The following TRAPPC9 variants were observed in gnomAD, a reference collection of about 807,000 sequenced individuals.
The protein encoded by TRAPPC9 is trafficking protein particle complex subunit 9.
TRAPPC9 carries 83 observed loss-of-function variants against 124.0 expected under a neutral mutation model. The observed-to-expected ratio is 0.67, with a 90% CI of 0.56 to 0.80. The LOEUF (loss-of-function observed/expected upper bound fraction) is 0.80. TRAPPC9 is among the 30% of genes least tolerant of loss of function. TRAPPC9 has a pLI of 0.00. For missense variants in TRAPPC9, 1,302 were observed against 1,508.3 expected (o/e 0.86, Z 2.27); for synonymous variants, 638 against 617.5 (o/e 1.03, Z -0.49).
intron 5 of TRAPPC9, among the ~76,000 whole-genome samples, chr8:140,421,941 G>A (rs796503184): frequency 1.7e-5 from 2 of 117,612 alleles, no homozygotes; most frequent in Admixed American, 1.2e-4. Context: ...ATAAACCTAC[G>A]CCGAACTCTG....
Position 140,163,555 on chromosome 8 carries a change from C to T in TRAPPC9, c.2556+57904G>A, listed in dbSNP as rs138372867. ...CTGAATGAATGACTTTGGTGGGAAA[C>T]GGAGAGGGTGGCGGGCAGATGGACC... is the stretch of plus-strand genomic sequence containing the variant. On this transcript the variant is annotated intron_variant, in intron 17 of 22. Transcript: ENST00000438773. 4.1e-3 allele frequency among the ~76,000 whole-genome samples: 618 copies of T among 152,228 alleles called. 4 individuals are homozygous for T. The highest frequency in any genetic ancestry group is 0.013 in the African/African-American group (540 of 41,522).
intron 21 of TRAPPC9, among the ~76,000 whole-genome samples, chr8:139,795,200 T>C (rs576637557): frequency 6.6e-6 from 1 of 152,216 alleles, no homozygotes; most frequent in East Asian, 1.9e-4. Context: ...CCAGGTGTCC[T>C]GGCTCCAGCA....
At position 140,216,317 on chromosome 8, in the gene TRAPPC9, T is replaced by A. The variant is rs1338810571; in HGVS notation, c.2556+5142A>T. Among the ~76,000 whole-genome samples, 1 of 152,200 alleles carries A rather than the reference T, an allele frequency of 6.6e-6. No individual in the cohort carries two copies. The highest frequency in any genetic ancestry group is 2.4e-5 in the African/African-American group (1 of 41,452). ...ATTCATCTCTATCTATATACATTTATAATGATTCCAAAGAAAAACAGCACA... is the reference window on the plus strand; with the variant it reads ...ATTCATCTCTATCTATATACATTTAAAATGATTCCAAAGAAAAACAGCACA... On this transcript the variant is annotated intron_variant, in intron 17 of 22. Transcript: ENST00000438773. The surrounding 1 kb of genome is among the most constrained non-coding windows in gnomAD (Gnocchi z 4.1).
chr8:139,761,841 C>A (rs901858725), intron 21 of TRAPPC9, among the ~76,000 whole-genome samples: 1 of 151,742 alleles, frequency 6.6e-6, no homozygotes, highest in Admixed American at 6.6e-5. Flanking sequence ...CAAGCCCTCC[C>A]ACACCACGCC....
At chr8:139,810,377 G>A (rs551510868) in intron 21 of TRAPPC9, among the ~76,000 whole-genome samples, 30 of 152,292 alleles carry the variant, frequency 2.0e-4, no homozygotes, top group Admixed American at 1.4e-3. Context: ...CGACCATGAC[G>A]GATCCTGCGA....
chr8:140,241,821 C>A lies in TRAPPC9; in HGVS notation c.2431+10956G>T, dbSNP rs1481512499. Among the ~76,000 whole-genome samples the A allele has an allele frequency of 6.6e-6, 1 of 152,240 alleles. No individual in the cohort carries two copies. The highest frequency in any genetic ancestry group is 1.5e-5 in the Non-Finnish European group (1 of 68,044). ...ACTCAGGGTGTGGAACACTCGGCAG[C>A]CTTCGCAGCGTGCCTTCCGTCCCTC... On this transcript the variant is annotated intron_variant, in intron 16 of 22. Coordinates refer to ENST00000438773, the MANE Select transcript of TRAPPC9 (RefSeq NM_001160372.4). The surrounding 1 kb of genome is among the most constrained non-coding windows in gnomAD (Gnocchi z 5.0).
chr8:139,887,543 CT>C (rs1412384673), intron 20 of TRAPPC9, among the ~76,000 whole-genome samples: 2 of 152,180 alleles, frequency 1.3e-5, no homozygotes, highest in Non-Finnish European at 2.9e-5. Context: ...CTATTTTGGA[CT>C]TCTTTCAATT....
At chr8:140,168,169 G>A (rs2061883653) in intron 17 of TRAPPC9, among the ~76,000 whole-genome samples, 1 of 152,146 alleles carries the variant, frequency 6.6e-6, no homozygotes, top group Non-Finnish European at 1.5e-5. Context: ...TTATTAGTGT[G>A]GCAACTTTGT....
chr8:139,758,858 G>A (rs1437636036), intron 21 of TRAPPC9, among the ~76,000 whole-genome samples: 3 of 152,196 alleles, frequency 2.0e-5, no homozygotes, highest in African/African-American at 4.8e-5. Flanking sequence ...AGGCTGAGGC[G>A]GGTTTCTGAC....
intron 21 of TRAPPC9, among the ~76,000 whole-genome samples, chr8:139,735,570 G>T (rs373905785): frequency 6.6e-6 from 1 of 152,214 alleles, no homozygotes; most frequent in Non-Finnish European, 1.5e-5. Context: ...AGAGCAGATG[G>T]GGCAGCCTGG....
intron 17 of TRAPPC9, among the ~76,000 whole-genome samples, chr8:140,131,941 T>C (rs1233138297): frequency 6.6e-6 from 1 of 152,230 alleles, no homozygotes; most frequent in African/African-American, 2.4e-5. Flanking sequence ...CCGCTGTCCC[T>C]GCACCTTACT....
Position 139,918,796 on chromosome 8 carries a change from C to T in TRAPPC9, c.2811-8496G>A, listed in dbSNP as rs549446612. ...TAATAAAATGGAATTCACCTAATGC[C>T]ACTGGCTGCCAGCTGCCCTCCCTCT... On this transcript the variant is annotated intron_variant, in intron 19 of 22. Transcript: ENST00000438773. Among the ~76,000 whole-genome samples, 23 of 152,324 alleles carry T rather than the reference C, an allele frequency of 1.5e-4. 2 individuals are homozygous for T. In the South Asian group the frequency reaches 4.6e-3, roughly 30 times the overall value.
chr8:140,071,305 C>T (rs944131413), intron 17 of TRAPPC9, among the ~76,000 whole-genome samples: 1 of 152,230 alleles, frequency 6.6e-6, no homozygotes, highest in African/African-American at 2.4e-5. Flanking sequence ...CCTCGACACT[C>T]ACAGTCTCGC....
intron 17 of TRAPPC9, among the ~76,000 whole-genome samples, chr8:140,174,492 T>C: frequency 6.6e-6 from 1 of 152,204 alleles, no homozygotes; most frequent in East Asian, 1.9e-4. Context: ...TGTGCAATCA[T>C]CATCACTATC....
intron 17 of TRAPPC9, chr8:140,099,647 C>T (rs936563377): frequency 2.0e-5 from 3 of 147,476 alleles, no homozygotes; most frequent in African/African-American, 7.6e-5. Flanking sequence ...CCCCCACAGC[C>T]TTCTGCAAGG....
In TRAPPC9 at chr8:140,353,954, C is replaced by T. The variant is rs117223998; in HGVS notation, c.1495+6096G>A. Among the ~76,000 whole-genome samples the T allele has an allele frequency of 0.027, 4,160 of 152,328 alleles. 99 individuals carry two copies. Among genetic ancestry groups the T allele is most frequent in the Middle Eastern group, 0.082 (24 of 294 alleles). On this transcript the variant is annotated intron_variant, in intron 9 of 22. Transcript: ENST00000438773. This position sits in a 1 kb window ranked among gnomAD's most constrained non-coding sequence, Gnocchi z 4.2. ...CTGGAAGCTCTGACAGCGGCAGGCA[C>T]AGGGCACGGGGAGCTCCCAGAGGGG... is the stretch of plus-strand genomic sequence containing the variant.
intron 21 of TRAPPC9, among the ~76,000 whole-genome samples, chr8:139,762,115 T>C (rs1406886277): frequency 6.6e-6 from 1 of 151,324 alleles, no homozygotes; most frequent in East Asian, 2.0e-4. Flanking sequence ...GCAGCCCGAG[T>C]GAGGGCCTGC....
Position 140,263,832 on chromosome 8 carries a change from C to T in TRAPPC9, c.2279-10903G>A, listed in dbSNP as rs144550620. 4.7e-3 allele frequency among the ~76,000 whole-genome samples: 721 copies of T among 152,282 alleles called. 3 individuals are homozygous for T. Among genetic ancestry groups the T allele is most frequent in the Non-Finnish European group, 7.5e-3 (512 of 68,014 alleles). ...AATTGAGGGAGGCCTGACCTAGAGG[C>T]TTCCGACTAGTCTGCTGGCCTGGCT... On this transcript the variant is annotated intron_variant, in intron 15 of 22. Coordinates refer to ENST00000438773, the MANE Select transcript of TRAPPC9 (RefSeq NM_001160372.4).
At chr8:140,355,581 A>G (rs979754664) in intron 9 of TRAPPC9, among the ~76,000 whole-genome samples, 1 of 152,242 alleles carries the variant, frequency 6.6e-6, no homozygotes, top group African/African-American at 2.4e-5. Flanking sequence ...AAGAAAAAAA[A>G]AGAAACTATC....
Sources: allele counts gnomAD v4.1 joint callset (sites outside exome capture counted in the v4.1 genomes callset), GRCh38; gene constraint gnomAD v4.1.1; non-coding constraint Gnocchi (gnomAD v3.1); transcripts MANE v1.5; gene names NCBI Gene and HGNC (gene_info 2026-07-23, HGNC 2026-07-21).